The following TMEM132C variants were observed in gnomAD, a reference collection of about 807,000 sequenced individuals.
The protein encoded by TMEM132C is protein phosphatase 1, regulatory subunit 152.
In TMEM132C, 29 loss-of-function variants were observed where a neutral mutation model predicts 61.4. That is an observed-to-expected ratio of 0.47 (90% CI 0.35 to 0.64). The LOEUF (loss-of-function observed/expected upper bound fraction) is 0.64, where lower values mean the gene tolerates loss of function less well. TMEM132C is among the 30% of genes least tolerant of loss of function. TMEM132C has a pLI of 0.00. For missense variants in TMEM132C, 1,408 were observed against 1,476.9 expected, an observed-to-expected ratio of 0.95 and a Z score of 0.76; for synonymous variants, 656 against 633.1, an observed-to-expected ratio of 1.04 and a Z score of -0.54.
intron 3 of TMEM132C, among the ~76,000 whole-genome samples, chr12:128,606,434 A>G (rs1876428787): frequency 6.6e-6 from 1 of 152,134 alleles, no homozygotes. Flanking sequence ...CCATAGTTTT[A>G]TTCCCCCTGC....
chr12:128,498,190 C>G (rs1448124343), intron 2 of TMEM132C, among the ~76,000 whole-genome samples: 1 of 152,156 alleles, frequency 6.6e-6, no homozygotes, highest in Non-Finnish European at 1.5e-5. Flanking sequence ...TTGCCCACTA[C>G]TCTCCACAAG....
chr12:128,433,695 C>A (rs1015987983), intron 2 of TMEM132C, among the ~76,000 whole-genome samples: 1 of 152,076 alleles, frequency 6.6e-6, no homozygotes, highest in Non-Finnish European at 1.5e-5. Context: ...TCTGAGAAAC[C>A]CCCTGGGAAA....
At chr12:128,561,753 T>C (rs1447237707) in intron 3 of TMEM132C, among the ~76,000 whole-genome samples, 3 of 152,116 alleles carry the variant, frequency 2.0e-5, no homozygotes, top group Non-Finnish European at 4.4e-5. Flanking sequence ...CAAAAGAGAC[T>C]TTGTTTAAAG....
chr12:128,389,372 G>A (rs981549352), intron 1 of TMEM132C, among the ~76,000 whole-genome samples: 1 of 152,180 alleles, frequency 6.6e-6, no homozygotes, highest in Non-Finnish European at 1.5e-5. Context: ...GGGGACAGAC[G>A]GGGACAGATA....
chr12:128,631,369 T>C (rs116678516), intron 4 of TMEM132C, among the ~76,000 whole-genome samples: 3 of 152,232 alleles, frequency 2.0e-5, no homozygotes, highest in Admixed American at 6.5e-5. Context: ...GGTGATGGAG[T>C]TGACTCACTA....
chr12:128,314,579 T>C (rs1872084378), intron 1 of TMEM132C, among the ~76,000 whole-genome samples: 1 of 151,778 alleles, frequency 6.6e-6, no homozygotes, highest in African/African-American at 2.4e-5. Context: ...ATTAGTTGAG[T>C]TTCAATGAGG....
intron 3 of TMEM132C, among the ~76,000 whole-genome samples, chr12:128,556,926 AAAC>A (rs1874350952): frequency 1.3e-5 from 2 of 152,190 alleles, no homozygotes; most frequent in South Asian, 4.1e-4. Context: ...AAACAATGAA[AAAC>A]AATAAAATGA....
intron 1 of TMEM132C, among the ~76,000 whole-genome samples, chr12:128,358,747 A>C (rs1461095883): frequency 6.6e-6 from 1 of 152,180 alleles, no homozygotes. Context: ...ATACCCAGGC[A>C]ATATGTAGGC....
chr12:128,382,786 A>G (rs987484002), intron 1 of TMEM132C, among the ~76,000 whole-genome samples: 12 of 152,242 alleles, frequency 7.9e-5, no homozygotes, highest in Admixed American at 6.5e-4. Flanking sequence ...GCTAAAACAC[A>G]TAAAAGAGTG....
chr12:128,333,610 AGTGT>A (rs1173237719), intron 1 of TMEM132C, among the ~76,000 whole-genome samples: 2 of 149,746 alleles, frequency 1.3e-5, no homozygotes, highest in Non-Finnish European at 3.0e-5. Flanking sequence ...TATTTGTTAG[AGTGT>A]GTGGTTTGTG....
intron 2 of TMEM132C, among the ~76,000 whole-genome samples, chr12:128,467,305 C>T (rs575920699): frequency 6.6e-6 from 1 of 152,144 alleles, no homozygotes; most frequent in East Asian, 1.9e-4. Context: ...TGCCAGAGAT[C>T]TTCTTCTCCA....
chr12:128,351,714 G>A (rs1452419026), intron 1 of TMEM132C, among the ~76,000 whole-genome samples: 1 of 152,138 alleles, frequency 6.6e-6, no homozygotes, highest in Non-Finnish European at 1.5e-5. Flanking sequence ...AACTAAGGGG[G>A]AGGGCTGACT....
At chr12:128,292,876 G>A (rs192249554) in intron 1 of TMEM132C, among the ~76,000 whole-genome samples, 5 of 152,260 alleles carry the variant, frequency 3.3e-5, no homozygotes, top group South Asian at 2.1e-4. Context: ...AAACAGAATA[G>A]CATAGAAATT....
At chr12:128,346,028 T>C (rs762571978) in intron 1 of TMEM132C, among the ~76,000 whole-genome samples, 8 of 152,216 alleles carry the variant, frequency 5.3e-5, no homozygotes, top group Non-Finnish European at 1.2e-4. Flanking sequence ...GGGTTTTACA[T>C]TTAAGTCTTT....
intron 3 of TMEM132C, among the ~76,000 whole-genome samples, chr12:128,564,060 G>T (rs943524541): frequency 6.6e-6 from 1 of 152,234 alleles, no homozygotes; most frequent in Non-Finnish European, 1.5e-5. Flanking sequence ...CCGCAGACCT[G>T]TTGTCTGAGG....
At chr12:128,424,628 AT>A (rs1290218057) in intron 2 of TMEM132C, among the ~76,000 whole-genome samples, 1 of 152,206 alleles carries the variant, frequency 6.6e-6, no homozygotes, top group Non-Finnish European at 1.5e-5. Flanking sequence ...TTCTGGGGTG[AT>A]AAACACATGC....
chr12:128,308,714 T>TG (rs894360067), intron 1 of TMEM132C, among the ~76,000 whole-genome samples: 1 of 152,104 alleles, frequency 6.6e-6, no homozygotes, highest in Non-Finnish European at 1.5e-5. Context: ...TGTCATCTTC[T>TG]GGGGGGAGCT....
intron 1 of TMEM132C, among the ~76,000 whole-genome samples, chr12:128,409,904 C>T (rs1386225394): frequency 6.6e-6 from 1 of 152,132 alleles, no homozygotes; most frequent in African/African-American, 2.4e-5. Flanking sequence ...ACGATGATGA[C>T]AAGATAGTGT....
chr12:128,682,045 C>T (rs1291776860), intron 5 of TMEM132C, among the ~76,000 whole-genome samples: 1 of 152,124 alleles, frequency 6.6e-6, no homozygotes, highest in Admixed American at 6.5e-5. Flanking sequence ...AATCAAAATC[C>T]TGAGGTCTCC....
Sources: gnomAD v4.1 joint callset for allele counts (sites outside exome capture counted in the v4.1 genomes callset) on GRCh38, gnomAD v4.1.1 for gene constraint, MANE v1.5 for transcripts, NCBI Gene and HGNC (gene_info 2026-07-23, HGNC 2026-07-21) for gene names.